DSC2: variants seen among roughly 807,000 people sequenced by gnomAD.
DSC2 encodes the protein desmocollin 2.
Under a neutral mutation model 87.6 loss-of-function variants are expected in DSC2, and 51 were observed. That is an observed-to-expected ratio of 0.58 (90% CI 0.46 to 0.74). The LOEUF is 0.74. Among genes scored for constraint, DSC2 ranks in the 30% least tolerant of loss-of-function variants. The pLI is 0.00. For synonymous variants in DSC2, 383 were observed against 393.2 expected, an observed-to-expected ratio of 0.97 and a Z score of 0.31; for missense variants, 1,066 against 1,089.5, an observed-to-expected ratio of 0.98 and a Z score of 0.30.
Position 31,086,568 on chromosome 18 carries a change from T to C in DSC2, c.942+8A>G. 1.2e-6 allele frequency: 2 copies of C among 1,614,132 alleles called. No homozygotes were observed. Among genetic ancestry groups the C allele is most frequent in the Non-Finnish European group, 1.7e-6 (2 of 1,179,974 alleles). ...GTTATAATCAGGTTTTATTAATGTT[T>C]ATGTTACCTCTCTGTCTAGCTGAGA... On this transcript the variant is annotated splice_region_variant and intron_variant, in intron 7 of 15. Transcript: ENST00000280904.
rs1986559774 is a variant in DSC2, at chr18:31,064,191, T to C, written c.*3824A>G. ...GTTCTTTCACATCATCTGAAGCTTT[T>C]TAAAAACATGCATTATGCACTTACT... On this transcript the variant is annotated 3_prime_UTR_variant, in exon 16 of 16. Coordinates refer to ENST00000280904, the MANE Select transcript of DSC2 (RefSeq NM_024422.6). 1 of 152,200 alleles carries C rather than the reference T, an allele frequency of 6.6e-6. No individual in the cohort carries two copies. The allele number at this position is 152,200 out of a possible 1,614,324, so 9.4% of individuals were successfully genotyped here. A position where few individuals can be genotyped will look rare whatever the true frequency, so the allele number is the denominator to read the frequency against.
rs941660856 is a variant in DSC2 at position 31,063,396 on chromosome 18, G to T, written c.*4619C>A. 2 of 151,350 alleles carry T rather than the reference G, an allele frequency of 1.3e-5. No individual in the cohort carries two copies. Among genetic ancestry groups the T allele is most frequent in the African/African-American group, 4.9e-5 (2 of 41,114 alleles). 9.4% of individuals were successfully genotyped at this position (151,350 alleles called of 1,614,324 possible). A position where few individuals can be genotyped will look rare whatever the true frequency, so the allele number is the denominator to read the frequency against. ...GCATGCAATTGTGAACACCTTTCTTGGTCCTTAGTGTCCTACATGAAAGAA... is the reference window on the plus strand; with the variant it reads ...GCATGCAATTGTGAACACCTTTCTTTGTCCTTAGTGTCCTACATGAAAGAA... On this transcript the variant is annotated 3_prime_UTR_variant, in exon 16 of 16. Transcript: ENST00000280904.
intron 1 of DSC2, among the ~76,000 whole-genome samples, chr18:31,097,889 AT>A (rs965391560): frequency 1.4e-4 from 21 of 151,044 alleles, no homozygotes; most frequent in Admixed American, 1.3e-4. Flanking sequence ...TTTTAATGTA[AT>A]TTTTTATTCA....
intron 1 of DSC2, among the ~76,000 whole-genome samples, chr18:31,097,723 G>T (rs1987807838): frequency 6.6e-6 from 1 of 151,814 alleles, no homozygotes. Flanking sequence ...GAAAAGAAGA[G>T]GCAAAACAAT....
chr18:31,083,402 A>G (rs1477734405), intron 7 of DSC2, among the ~76,000 whole-genome samples: 2 of 152,216 alleles, frequency 1.3e-5, no homozygotes, highest in African/African-American at 4.8e-5. Context: ...TCTCAAATTT[A>G]TAGTGCTATT....
At position 31,069,020 on chromosome 18, in the gene DSC2, C is replaced by T. The variant is rs761322462; in HGVS notation, c.2382G>A (p.Ser794=). Residue 794 remains serine (S), a synonymous_variant, in exon 15 of 16, where the codon TCG becomes TCA. Coordinates refer to ENST00000280904, the MANE Select transcript of DSC2 (RefSeq NM_024422.6). ...IEMVKGGHQT[S]ESCRGAGHHH... Reference sequence around the variant, plus strand: ...GGTGGCCAGCCCCCCGGCAGGATTCCGAGGTCTGGTGTCCTCCTTTCACCA... The same window carrying T: ...GGTGGCCAGCCCCCCGGCAGGATTCTGAGGTCTGGTGTCCTCCTTTCACCA... 23 of 1,613,926 alleles carry T rather than the reference C, an allele frequency of 1.4e-5. No homozygotes were observed. Among genetic ancestry groups the T allele is most frequent in the South Asian group, 5.5e-5 (5 of 91,086 alleles).
intron 1 of DSC2, among the ~76,000 whole-genome samples, chr18:31,100,163 C>A (rs1987890732): frequency 1.3e-5 from 2 of 152,218 alleles, no homozygotes; most frequent in South Asian, 4.1e-4. Flanking sequence ...CAAAAACCAG[C>A]AGAATGAGAG....
In DSC2 at chr18:31,080,324, A is replaced by C. The variant is rs766923814; in HGVS notation, c.1292T>G (p.Met431Arg). The change falls in exon 10 of 16, where the codon ATG becomes AGG. Residue 431 changes from methionine to arginine, a missense_variant. Transcript: ENST00000280904. ...KPLNYEEKQQ[M>R]ILQIGVVNEA... ...ATTAACTACACCAATTTGCAAGATCATCTGTTGCTTTTCTTCATAATTCAA... is the reference window on the plus strand; with the variant it reads ...ATTAACTACACCAATTTGCAAGATCCTCTGTTGCTTTTCTTCATAATTCAA... 1 of 1,614,068 alleles carries C rather than the reference A, an allele frequency of 6.2e-7. No homozygotes were observed. Among genetic ancestry groups the C allele is most frequent in the South Asian group, 1.1e-5 (1 of 91,086 alleles).
intron 1 of DSC2, among the ~76,000 whole-genome samples, chr18:31,098,230 T>C (rs1019919978): frequency 1.3e-5 from 2 of 152,188 alleles, no homozygotes; most frequent in Non-Finnish European, 2.9e-5. Flanking sequence ...GGGCTCCAAA[T>C]TTATATAACA....
chr18:31,098,299 A>G (rs989176895), intron 1 of DSC2, among the ~76,000 whole-genome samples: 2 of 151,970 alleles, frequency 1.3e-5, no homozygotes, highest in Non-Finnish European at 2.9e-5. Flanking sequence ...TAAATCTTTC[A>G]TCTCTGGAAT....
At chr18:31,101,262 A>C (rs1029990400) in intron 1 of DSC2, 36 of 985,104 alleles carry the variant, frequency 3.7e-5, no homozygotes, top group Non-Finnish European at 4.2e-5. Context: ...CAAAGGGTCA[A>C]GATCCCCTCC....
chr18:31,086,844 T>C, intron 6 of DSC2, 102 bp from the exon 7 acceptor site: 1 of 1,272,162 alleles, frequency 7.9e-7, no homozygotes. Flanking sequence ...CTGGACCACA[T>C]TATTACATGG....
rs1375540401 is a variant in DSC2 at position 31,065,663 on chromosome 18, G to C, written c.*2352C>G. On this transcript the variant is annotated 3_prime_UTR_variant, in exon 16 of 16. Coordinates refer to ENST00000280904, the MANE Select transcript of DSC2 (RefSeq NM_024422.6). ...GACAGCTAGGGAAGAAGCCAAGGAAGGGATTGACAGGGAGAATCTAAAATA... is the reference window on the plus strand; with the variant it reads ...GACAGCTAGGGAAGAAGCCAAGGAACGGATTGACAGGGAGAATCTAAAATA... 6.6e-6 allele frequency: 1 copy of C among 152,184 alleles called. No homozygotes were observed. Among genetic ancestry groups the C allele is most frequent in the African/African-American group, 2.4e-5 (1 of 41,432 alleles). 9.4% of individuals were successfully genotyped at this position (152,184 alleles called of 1,614,324 possible).
chr18:31,090,962 C>A, intron 4 of DSC2, 66 bp downstream of exon 4: 1 of 1,601,690 alleles, frequency 6.2e-7, no homozygotes. Context: ...TAACTTCATA[C>A]TCAGTGTCAT....
At chr18:31,100,531 T>C (rs1987905589) in intron 1 of DSC2, among the ~76,000 whole-genome samples, 1 of 152,276 alleles carries the variant, frequency 6.6e-6, no homozygotes, top group African/African-American at 2.4e-5. Context: ...TGCTGTGTAC[T>C]TGGCCCTTTC....
intron 7 of DSC2, among the ~76,000 whole-genome samples, chr18:31,083,348 A>C (rs1987295974): frequency 1.1e-5 from 1 of 90,150 alleles, no homozygotes; most frequent in African/African-American, 3.5e-5. Flanking sequence ...AGGCAGGAGA[A>C]TCACACTAGG....
chr18:31,073,536 G>A (rs927760266), intron 12 of DSC2, among the ~76,000 whole-genome samples: 14 of 151,936 alleles, frequency 9.2e-5, no homozygotes, highest in African/African-American at 2.7e-4. Context: ...CTCCCTTTAC[G>A]TTCCCTCATA....
At chr18:31,096,836 A>G (rs1459392393) in intron 1 of DSC2, among the ~76,000 whole-genome samples, 2 of 152,166 alleles carry the variant, frequency 1.3e-5, no homozygotes. Flanking sequence ...TATATTTGCA[A>G]GAGAAGGATA....
intron 3 of DSC2, 152 bp from the exon 4 acceptor site, chr18:31,091,299 G>A: frequency 1.2e-6 from 1 of 820,330 alleles, no homozygotes; most frequent in Non-Finnish European, 2.0e-6. Flanking sequence ...CATCAACACT[G>A]CAAAAAGATA....
Sources: gnomAD v4.1 joint callset for allele counts (sites outside exome capture counted in the v4.1 genomes callset) on GRCh38, gnomAD v4.1.1 for gene constraint, MANE v1.5 for transcripts, NCBI Gene and HGNC (gene_info 2026-07-23, HGNC 2026-07-21) for gene names.